PSD3: variants seen among roughly 807,000 people sequenced by gnomAD.
The protein encoded by PSD3 is PH and SEC7 domain-containing protein 3.
PSD3 carries 49 observed loss-of-function variants against 105.5 expected under a neutral mutation model. The ratio of observed to expected loss-of-function variants is 0.46; its 90% CI spans 0.37 to 0.59. The LOEUF is 0.59. Among genes scored for constraint, PSD3 ranks in the 20% least tolerant of loss-of-function variants. The pLI, the probability that PSD3 is intolerant of heterozygous loss-of-function variation, is 0.00. For synonymous variants in PSD3, 557 were observed against 457.8 expected (o/e 1.22, Z -2.77); for missense variants, 1,561 against 1,263.8 (o/e 1.24, Z -3.57).
chr8:18,650,147 G>C (rs1808369723), intron 10 of PSD3, among the ~76,000 whole-genome samples: 1 of 152,176 alleles, frequency 6.6e-6, no homozygotes, highest in Non-Finnish European at 1.5e-5. Context: ...TTTCCTAATA[G>C]ACAATACTGA....
At position 18,572,607 on chromosome 8, in the gene PSD3, G is replaced by A; in HGVS notation, c.2705C>T (p.Pro902Leu). Reference protein sequence around the residue: ...INCVAAVFSAPPFPAAIGSQK... With the variant: ...INCVAAVFSALPFPAAIGSQK... Reference sequence around the variant, plus strand: ...AGAGCCGATTGCTGCTGGAAATGGTGGTGCAGAAAATACAGCTGCCACACA... The same window carrying A: ...AGAGCCGATTGCTGCTGGAAATGGTAGTGCAGAAAATACAGCTGCCACACA... Residue 902 changes from proline to leucine, a missense_variant, in exon 14 of 16, where the codon CCA becomes CTA. Coordinates refer to ENST00000327040, the MANE Select transcript of PSD3 (RefSeq NM_015310.4). 2 of 1,614,074 alleles carry A rather than the reference G, an allele frequency of 1.2e-6. No individual in the cohort carries two copies. The highest frequency in any genetic ancestry group is 2.2e-5 in the East Asian group (1 of 44,880).
chr8:18,910,144 C>A (rs938727010), intron 2 of PSD3, among the ~76,000 whole-genome samples: 5 of 151,908 alleles, frequency 3.3e-5, no homozygotes, highest in Admixed American at 2.0e-4. Flanking sequence ...TGGGTATATA[C>A]CCAAATGAGT....
At chr8:18,675,895 C>G (rs1225734853) in intron 9 of PSD3, among the ~76,000 whole-genome samples, 1 of 152,080 alleles carries the variant, frequency 6.6e-6, no homozygotes, top group Non-Finnish European at 1.5e-5. Context: ...TTCCAAAAAT[C>G]TCCTATTAGA....
intron 8 of PSD3, among the ~76,000 whole-genome samples, chr8:18,792,611 A>G (rs1290116086): frequency 6.6e-6 from 1 of 152,188 alleles, no homozygotes; most frequent in Non-Finnish European, 1.5e-5. Flanking sequence ...CAGCTAATGA[A>G]TGCCAGGCTT....
intron 9 of PSD3, among the ~76,000 whole-genome samples, chr8:18,754,711 C>T (rs1303292711): frequency 6.6e-6 from 1 of 151,978 alleles, no homozygotes; most frequent in Non-Finnish European, 1.5e-5. Context: ...ATTATTCTGG[C>T]TGTTGAGAGT....
chr8:18,733,279 G>A (rs570589904), intron 9 of PSD3: 2 of 152,110 alleles, frequency 1.3e-5, no homozygotes, highest in Non-Finnish European at 2.9e-5. Flanking sequence ...CTACTTTTTA[G>A]GGTCATAATT....
intron 4 of PSD3, among the ~76,000 whole-genome samples, chr8:18,848,137 A>AC (rs1038182681): frequency 7.9e-5 from 12 of 152,006 alleles, no homozygotes; most frequent in Non-Finnish European, 1.6e-4. Context: ...GAGTTAAAAA[A>AC]AAAAATCCCT....
chr8:18,703,507 T>G (rs772306040), intron 9 of PSD3, among the ~76,000 whole-genome samples: 6 of 152,178 alleles, frequency 3.9e-5, no homozygotes, highest in Admixed American at 2.0e-4. Flanking sequence ...ACCAAACTCA[T>G]AAGCACACAA....
chr8:18,950,522 A>T (rs1201608743), intron 1 of PSD3, among the ~76,000 whole-genome samples: 1 of 152,144 alleles, frequency 6.6e-6, no homozygotes, highest in African/African-American at 2.4e-5. Context: ...CCCTCTGGCC[A>T]TCATCTCCCG....
chr8:19,022,063 C>T (rs1158277277), intron 1 of PSD3, among the ~76,000 whole-genome samples: 1 of 152,166 alleles, frequency 6.6e-6, no homozygotes, highest in African/African-American at 2.4e-5. Flanking sequence ...GAAGCAGGGA[C>T]AGGCATGTCA....
intron 2 of PSD3, among the ~76,000 whole-genome samples, chr8:18,921,318 A>T (rs1821005105): frequency 6.6e-6 from 1 of 152,342 alleles, no homozygotes; most frequent in African/African-American, 2.4e-5. Flanking sequence ...AAACATCTCA[A>T]GTAAATTATC....
chr8:18,553,531 G>A (rs1800898574), intron 15 of PSD3, among the ~76,000 whole-genome samples: 2 of 152,184 alleles, frequency 1.3e-5, no homozygotes, highest in Admixed American at 1.3e-4. Flanking sequence ...ATTAGTCAGT[G>A]TTCCAGAAAC....
chr8:18,696,511 C>T (rs1801271029), intron 9 of PSD3, among the ~76,000 whole-genome samples: 1 of 152,154 alleles, frequency 6.6e-6, no homozygotes, highest in Non-Finnish European at 1.5e-5. Context: ...CAGCACGTTG[C>T]TCAGCTTGTG....
intron 1 of PSD3, among the ~76,000 whole-genome samples, chr8:19,055,292 T>C (rs1828671091): frequency 6.6e-6 from 1 of 152,188 alleles, no homozygotes; most frequent in African/African-American, 2.4e-5. Flanking sequence ...TTGCTCTTTT[T>C]GCCCAGGCTG....
chr8:18,764,325 T>C (rs900838958), intron 9 of PSD3, among the ~76,000 whole-genome samples: 4 of 152,196 alleles, frequency 2.6e-5, no homozygotes, highest in Admixed American at 6.5e-5. Context: ...GTCACAATCC[T>C]GCACCATTTA....
At chr8:18,607,568 G>A (rs1041347395) in intron 11 of PSD3, among the ~76,000 whole-genome samples, 1 of 151,724 alleles carries the variant, frequency 6.6e-6, no homozygotes, top group African/African-American at 2.4e-5. Context: ...GATTCGGGAG[G>A]CAATGTCTTG....
intron 9 of PSD3, among the ~76,000 whole-genome samples, chr8:18,689,541 G>A (rs1322700279): frequency 6.6e-6 from 1 of 152,202 alleles, no homozygotes; most frequent in East Asian, 1.9e-4. Context: ...AGGGAAGAGA[G>A]GCATGAGGTG....
At chr8:18,950,311 CT>C (rs1460973276) in intron 1 of PSD3, among the ~76,000 whole-genome samples, 1 of 152,186 alleles carries the variant, frequency 6.6e-6, no homozygotes, top group Non-Finnish European at 1.5e-5. Context: ...AACTCTGTTA[CT>C]TTTCCCTTAA....
chr8:18,768,784 T>C (rs1162020913), intron 8 of PSD3, among the ~76,000 whole-genome samples: 1 of 152,024 alleles, frequency 6.6e-6, no homozygotes, highest in East Asian at 1.9e-4. Flanking sequence ...ATAGTTACAA[T>C]GACAGTGCTG....
Sources: allele counts gnomAD v4.1 joint callset (sites outside exome capture counted in the v4.1 genomes callset), GRCh38; gene constraint gnomAD v4.1.1; transcripts MANE v1.5; gene names NCBI Gene and HGNC (gene_info 2026-07-23, HGNC 2026-07-21).